Variants in L3MBTL2 observed in about 807,000 individuals in gnomAD.
L3MBTL2 encodes the protein lethal(3)malignant brain tumor-like protein 2.
A neutral mutation model predicts 86.4 loss-of-function variants in L3MBTL2; 49 were observed. That is an observed-to-expected ratio of 0.57 (90% CI 0.45 to 0.72). L3MBTL2 has a LOEUF of 0.72. L3MBTL2 is among the 30% of genes least tolerant of loss of function. The probability of loss-of-function intolerance (pLI) is 0.00; values close to 1 mark genes in which losing one functional copy is unlikely to be tolerated. For missense variants in L3MBTL2, 755 were observed against 923.7 expected (o/e 0.82, Z 2.37); for synonymous variants, 336 against 350.6 (o/e 0.96, Z 0.47).
At chr22:41,208,469 T>C (rs2030430990) in intron 1 of L3MBTL2, 3 of 281,658 alleles carry the variant, frequency 1.1e-5, no homozygotes, top group Non-Finnish European at 2.1e-5. Flanking sequence ...TAGATTCATA[T>C]ACATTATCTC....
chr22:41,212,683 C>G (rs1056635979), intron 2 of L3MBTL2, among the ~76,000 whole-genome samples: 1 of 151,482 alleles, frequency 6.6e-6, no homozygotes, highest in African/African-American at 2.4e-5. Context: ...ATCACAAGGT[C>G]AGGAGTTCAA....
At chr22:41,208,372 C>G in intron 1 of L3MBTL2, 1 of 433,402 alleles carries the variant, frequency 2.3e-6, no homozygotes, top group South Asian at 1.6e-5. Flanking sequence ...TCAAGCAATC[C>G]ACCTGCCTCA....
rs571954764 is a variant in L3MBTL2 at position 41,205,665 on chromosome 22, C to T, written c.24+279C>T. On this transcript the variant is annotated intron_variant, in intron 1 of 16. Transcript: ENST00000216237. ...AGGATCTGAGAGCTCCTGAATCTTC[C>T]TTATCCTGCTTGTCTCGTGGCTGTG... Among the ~76,000 whole-genome samples the T allele has an allele frequency of 4.6e-5, 7 of 152,224 alleles. No homozygotes were observed. The East Asian group carries it at 9.7e-4, about 21-fold the overall frequency.
At chr22:41,208,563 C>A in intron 1 of L3MBTL2, 1 of 244,578 alleles carries the variant, frequency 4.1e-6, no homozygotes, top group South Asian at 3.8e-5. Context: ...GCCCAAGGCC[C>A]TATAGCTAGT....
In L3MBTL2 at chr22:41,205,476, G is replaced by A. The variant is rs2030130362; in HGVS notation, c.24+90G>A. 3 of 1,393,050 alleles carry A rather than the reference G, an allele frequency of 2.2e-6. No individual in the cohort carries two copies. The East Asian group carries it at 6.8e-5, about 32-fold the overall frequency. The allele number at this position is 1,393,050 out of a possible 1,614,324, so 86.3% of individuals were successfully genotyped here. Reference sequence around the variant, plus strand: ...TTCTTTAGGGCTTTTAGCGACGCCTGGAGGGTGGAGGGTGGGAGGATGGAT... The same window carrying A: ...TTCTTTAGGGCTTTTAGCGACGCCTAGAGGGTGGAGGGTGGGAGGATGGAT... On this transcript the variant is annotated intron_variant, in intron 1 of 16. Coordinates refer to ENST00000216237, the MANE Select transcript of L3MBTL2 (RefSeq NM_031488.5).
rs1291717037 is a variant in L3MBTL2, at chr22:41,227,328, G to A, written c.1822+5G>A. 1.3e-6 allele frequency: 2 copies of A among 1,586,146 alleles called. No homozygotes were observed. The highest frequency in any genetic ancestry group is 1.7e-6 in the Non-Finnish European group (2 of 1,166,136). ...TCCAGCCTCCTGTGGCCGCAGGTGTGGGCTCTCGTGGCCCTAAGAGGCTCT... is the reference window on the plus strand; with the variant it reads ...TCCAGCCTCCTGTGGCCGCAGGTGTAGGCTCTCGTGGCCCTAAGAGGCTCT... On this transcript the variant is annotated splice_donor_5th_base_variant and intron_variant, in intron 14 of 16. Coordinates refer to ENST00000216237, the MANE Select transcript of L3MBTL2 (RefSeq NM_031488.5). This position sits in a 1 kb window ranked among gnomAD's most constrained non-coding sequence, Gnocchi z 6.0.
At chr22:41,221,165 C>G in intron 7 of L3MBTL2, 34 bp from the exon 8 acceptor site, 1 of 1,515,934 alleles carries the variant, frequency 6.6e-7, no homozygotes, top group Non-Finnish European at 8.9e-7. Flanking sequence ...GTTTGTCAGT[C>G]TGTGTAACCA....
In L3MBTL2 at chr22:41,220,737, A is replaced by G; in HGVS notation, c.722A>G (p.Tyr241Cys). Residue 241 changes from tyrosine to cysteine, a missense_variant, in exon 7 of 17, where the codon TAT becomes TGT. This residue lies in a region of L3MBTL2 where 634 missense variants were observed against 748.9 expected (regional missense o/e 0.85). Transcript: ENST00000216237. ...GTGCCCTTTCCTTTCCTTTCAGGGT[A>G]TCGGGTGCTGCTTCGGTATGAAGGC... Reference protein sequence around the residue: ...WIASVIQTAGYRVLLRYEGFE... With the variant: ...WIASVIQTAGCRVLLRYEGFE... 1.2e-6 allele frequency: 2 copies of G among 1,612,028 alleles called. No homozygotes were observed. Among genetic ancestry groups the G allele is most frequent in the South Asian group, 1.1e-5 (1 of 90,944 alleles).
At chr22:41,228,026 T>C in intron 15 of L3MBTL2, 157 bp downstream of exon 15, 1 of 985,414 alleles carries the variant, frequency 1.0e-6, no homozygotes, top group Non-Finnish European at 1.2e-6. Flanking sequence ...TCTTTCCCCT[T>C]GCCCTTTGGC....
chr22:41,214,664 G>A (rs139458), intron 3 of L3MBTL2: 63,196 of 151,580 alleles, frequency 0.42, 13,852 homozygotes, highest in African/African-American at 0.56. Context: ...ACCAGCATCT[G>A]CAACACTGCT....
In L3MBTL2 at chr22:41,227,979, C is replaced by A. The variant is rs2032309668; in HGVS notation, c.1888+110C>A. The A allele has an allele frequency of 4.7e-6, 7 of 1,500,038 alleles. No individual in the cohort carries two copies. The Admixed American group carries it at 1.6e-4, about 34-fold the overall frequency. The allele number at this position is 1,500,038 out of a possible 1,614,324, so 92.9% of individuals were successfully genotyped here. ...CCAGGCACTGGTTCCCAGGTGCTGT[C>A]CTACTGACGTAGCTCTCTTCGTGTT... On this transcript the variant is annotated intron_variant, in intron 15 of 16. Coordinates refer to ENST00000216237, the MANE Select transcript of L3MBTL2 (RefSeq NM_031488.5). This position sits in a 1 kb window ranked among gnomAD's most constrained non-coding sequence, Gnocchi z 6.0.
At chr22:41,219,185 G>A in intron 5 of L3MBTL2, 1 of 447,402 alleles carries the variant, frequency 2.2e-6, no homozygotes, top group Non-Finnish European at 4.2e-6. Context: ...GGTTCTGTCT[G>A]ACTCTGGGTC....
At chr22:41,211,557 CTTT>C (rs71200672) in intron 2 of L3MBTL2, among the ~76,000 whole-genome samples, 6 of 97,384 alleles carry the variant, frequency 6.2e-5, no homozygotes, top group Admixed American at 1.1e-4. Context: ...ATCTTATTTC[CTTT>C]TTTTTTTTTT....
In L3MBTL2 at chr22:41,216,171, G is replaced by T; in HGVS notation, c.429G>T (p.Leu143=). Residue 143 remains leucine (L), a synonymous_variant, in exon 4 of 17, where the codon CTG becomes CTT. Transcript: ENST00000216237. ...GKPPTKKAKV[L]HKAAWSAKIG... Reference sequence around the variant, plus strand: ...CACCGACCAAAAAAGCCAAAGTCCTGCACAAGGCTGCCTGGTCTGCCAAAA... The same window carrying T: ...CACCGACCAAAAAAGCCAAAGTCCTTCACAAGGCTGCCTGGTCTGCCAAAA... 1.2e-6 allele frequency: 2 copies of T among 1,614,034 alleles called. No individual in the cohort carries two copies. The highest frequency in any genetic ancestry group is 1.7e-6 in the Non-Finnish European group (2 of 1,179,984).
In L3MBTL2 at chr22:41,226,579, GCTT is replaced by G. The variant is rs2032198471; in HGVS notation, c.1505-78_1505-76del. Reference sequence around the variant, plus strand: ...TGCTGGGTCCTGACCAAGCTGCAGAGCTTCTTCAGCCATGTGTCCTTTCCTCCT... The same window carrying G: ...TGCTGGGTCCTGACCAAGCTGCAGAGCTTCAGCCATGTGTCCTTTCCTCCT... On this transcript the variant is annotated intron_variant, in intron 12 of 16. Coordinates refer to ENST00000216237, the MANE Select transcript of L3MBTL2 (RefSeq NM_031488.5). 4.1e-6 allele frequency: 4 copies of G among 972,706 alleles called. No homozygotes were observed. In the Admixed American group the frequency reaches 6.9e-5, roughly 17 times the overall value. The allele number at this position is 972,706 out of a possible 1,614,324, so 60.3% of individuals were successfully genotyped here. A position where few individuals can be genotyped will look rare whatever the true frequency, so the allele number is the denominator to read the frequency against.
rs769398487 is a variant in L3MBTL2 at position 41,229,711 on chromosome 22, C to A, written c.2005+55C>A. The A allele has an allele frequency of 1.2e-6, 2 of 1,612,358 alleles. No individual in the cohort carries two copies. The highest frequency in any genetic ancestry group is 8.5e-7 in the Non-Finnish European group (1 of 1,179,926). The stretch of plus-strand genomic sequence containing the variant: ...GACCAGCCTGCTCCGTGCTCAGAGA[C>A]GACCCTTCTCCTTCCCCACCTGGGC... On this transcript the variant is annotated intron_variant, in intron 16 of 16. Coordinates refer to ENST00000216237, the MANE Select transcript of L3MBTL2 (RefSeq NM_031488.5).
rs201008262 is a variant in L3MBTL2 at position 41,225,867 on chromosome 22, A to C, written c.1430A>C (p.Tyr477Ser). The C allele has an allele frequency of 6.2e-7, 1 of 1,614,112 alleles. No individual in the cohort carries two copies. The highest frequency in any genetic ancestry group is 1.3e-5 in the African/African-American group (1 of 75,024). ...PSTDGLDWFC[Y>S]HASSHAIFPA... ...ACAGATGGCTTGGACTGGTTCTGCT[A>C]CCATGCCTCTTCCCACGCCATCTTC... The change falls in exon 12 of 17, where the codon TAC (tyrosine) becomes TCC (serine). Residue 477 changes from tyrosine to serine, a missense_variant. By Grantham distance (144) the Tyr-to-Ser change is moderately radical. Transcript: ENST00000216237. This position sits in a 1 kb window ranked among gnomAD's most constrained non-coding sequence, Gnocchi z 4.1.
rs184006953 is a variant in L3MBTL2, at chr22:41,207,675, A to G, written c.25-2021A>G. ...GGCCAAACTTTTCTCCTTTCTTCACACCTTTTTTTTCCTTTGAGACAGTGT... is the reference window on the plus strand; with the variant it reads ...GGCCAAACTTTTCTCCTTTCTTCACGCCTTTTTTTTCCTTTGAGACAGTGT... On this transcript the variant is annotated intron_variant, in intron 1 of 16. Coordinates refer to ENST00000216237, the MANE Select transcript of L3MBTL2 (RefSeq NM_031488.5). 8.0e-5 allele frequency among the ~76,000 whole-genome samples: 12 copies of G among 149,434 alleles called. No homozygotes were observed. In the South Asian group the frequency reaches 2.6e-3, roughly 32 times the overall value.
chr22:41,229,997 C>T, intron 16 of L3MBTL2, 142 bp from the exon 17 acceptor site: 1 of 701,870 alleles, frequency 1.4e-6, no homozygotes, highest in East Asian at 2.7e-5. Context: ...CTGCCACTGC[C>T]CTCCCAGAAG....
Sources: allele counts gnomAD v4.1 joint callset (sites outside exome capture counted in the v4.1 genomes callset), GRCh38; gene constraint gnomAD v4.1.1; regional missense constraint gnomAD v4.1.1; non-coding constraint Gnocchi (gnomAD v3.1); transcripts MANE v1.5; gene names NCBI Gene and HGNC (gene_info 2026-07-23, HGNC 2026-07-21).